UCN3: variants seen among roughly 807,000 people sequenced by gnomAD.
The protein encoded by UCN3 is urocortin-3.
Under a neutral mutation model 3.6 loss-of-function variants are expected in UCN3, and 3 were observed. The observed-to-expected ratio is 0.83, with a 90% confidence interval of 0.38 to 2.15. UCN3 has a LOEUF of 2.15. Ranked by LOEUF, UCN3 falls within the 30% of genes most tolerant of loss-of-function variation. UCN3 has a pLI of 0.06. For missense variants in UCN3, 206 were observed against 208.3 expected, an observed-to-expected ratio of 0.99 and a Z score of 0.07; for synonymous variants, 100 against 93.2, an observed-to-expected ratio of 1.07 and a Z score of -0.42.
chr10:5,369,688 A>G (rs1554811001), intron 1 of UCN3, among the ~76,000 whole-genome samples: 5 of 152,250 alleles, frequency 3.3e-5, no homozygotes, highest in African/African-American at 1.2e-4. Flanking sequence ...ATATTAGTGC[A>G]TAAAATAAGC....
In UCN3 at chr10:5,374,155, C is replaced by T; in HGVS notation, c.435C>T (p.Ala145=). The T allele has an allele frequency of 6.2e-7, 1 of 1,612,660 alleles. No homozygotes were observed. The highest frequency in any genetic ancestry group is 8.5e-7 in the Non-Finnish European group (1 of 1,179,764). Residue 145 remains alanine (A), a synonymous_variant, in exon 2 of 2, where the codon GCC becomes GCT. Transcript: ENST00000380433. Reference sequence around the variant, plus strand: ...TCGCCAAGGCCAAGAACCTGCGTGCCCAGGCGGCCGCCAATGCCCACCTGA... The same window carrying T: ...TCGCCAAGGCCAAGAACCTGCGTGCTCAGGCGGCCGCCAATGCCCACCTGA... ...FNIAKAKNLR[A]QAAANAHLMA...
rs7903714 is a variant in UCN3 at position 5,374,602 on chromosome 10, T to G, written c.*396T>G. ...GCTCCTCTCCCACACATCAACTTCT[T>G]CCAGGGCAGAAAGAGGAGCTGCAGC... is the stretch of plus-strand genomic sequence containing the variant. On this transcript the variant is annotated 3_prime_UTR_variant, in exon 2 of 2. Coordinates refer to ENST00000380433, the MANE Select transcript of UCN3 (RefSeq NM_053049.4). The G allele has an allele frequency of 0.61, 99,367 of 164,168 alleles. 30,459 individuals are homozygous for G. Among genetic ancestry groups the G allele is most frequent in the African/African-American group, 0.68 (28,314 of 41,692 alleles). 10.2% of individuals were successfully genotyped at this position (164,168 alleles called of 1,614,324 possible).
At chr10:5,372,460 C>T (rs181462555) in intron 1 of UCN3, among the ~76,000 whole-genome samples, 4 of 152,290 alleles carry the variant, frequency 2.6e-5, no homozygotes, top group East Asian at 1.9e-4. Context: ...GAGTCTATGA[C>T]GCTTAAAGCC....
In UCN3 at chr10:5,369,861, G is replaced by A. The variant is rs184305939; in HGVS notation, c.-6-3854G>A. ...GTGCTGGGTAAACATTTATCCACGTGGGTGTGTGTGTATATGTGTGTGTAT... is the reference window on the plus strand; with the variant it reads ...GTGCTGGGTAAACATTTATCCACGTAGGTGTGTGTGTATATGTGTGTGTAT... On this transcript the variant is annotated intron_variant, in intron 1 of 1. Coordinates refer to ENST00000380433, the MANE Select transcript of UCN3 (RefSeq NM_053049.4). 3.6e-4 allele frequency among the ~76,000 whole-genome samples: 48 copies of A among 134,648 alleles called. 14 individuals carry two copies. The East Asian group carries it at 0.012, about 35-fold the overall frequency. 88.3% of individuals were successfully genotyped at this position (134,648 alleles called of 152,430 possible).
chr10:5,370,163 A>G (rs868994218), intron 1 of UCN3, among the ~76,000 whole-genome samples: 17 of 27,758 alleles, frequency 6.1e-4, no homozygotes, highest in Admixed American at 9.0e-4. Flanking sequence ...ATGTGTGTGT[A>G]TATGTGTGTG....
chr10:5,371,764 G>A (rs1232197637), intron 1 of UCN3, among the ~76,000 whole-genome samples: 2 of 152,214 alleles, frequency 1.3e-5, no homozygotes, highest in Non-Finnish European at 2.9e-5. Context: ...AGGCCCAGGC[G>A]AATCACCAGG....
Position 5,365,046 on chromosome 10 carries a change from G to A in UCN3, c.-191G>A, listed in dbSNP as rs371259058. On this transcript the variant is annotated 5_prime_UTR_variant, in exon 1 of 2. Coordinates refer to ENST00000380433, the MANE Select transcript of UCN3 (RefSeq NM_053049.4). The surrounding 1 kb of genome is among the most constrained non-coding windows in gnomAD (Gnocchi z 4.4). ...GATCTGTCACTTTTATATACACACAGGGGAGGGGACCGTTTCCATAGAGAG... is the reference window on the plus strand; with the variant it reads ...GATCTGTCACTTTTATATACACACAAGGGAGGGGACCGTTTCCATAGAGAG... 4 of 152,216 alleles carry A rather than the reference G, an allele frequency of 2.6e-5. No individual in the cohort carries two copies. The highest frequency in any genetic ancestry group is 9.7e-5 in the African/African-American group (4 of 41,436). 9.4% of individuals were successfully genotyped at this position (152,216 alleles called of 1,614,324 possible). A position where few individuals can be genotyped will look rare whatever the true frequency, so the allele number is the denominator to read the frequency against.
chr10:5,374,184 C>T lies in UCN3; in HGVS notation c.464C>T (p.Ala155Val), dbSNP rs377737986. Reference protein sequence around the residue: ...AQAAANAHLMAQIGRKK With the variant: ...AQAAANAHLMVQIGRKK The stretch of plus-strand genomic sequence containing the variant: ...GCGGCCGCCAATGCCCACCTGATGG[C>T]GCAAATTGGGAGGAAGAAGTAGAGG... The change falls in exon 2 of 2, where the codon GCG becomes GTG. Residue 155 changes from alanine (A) to valine (V), a missense_variant. Transcript: ENST00000380433. 1.2e-4 allele frequency: 186 copies of T among 1,602,746 alleles called. 1 individual carries two copies. Among genetic ancestry groups the T allele is most frequent in the Middle Eastern group, 1.7e-4 (1 of 6,036 alleles).
intron 1 of UCN3, among the ~76,000 whole-genome samples, chr10:5,373,325 T>C (rs756870089): frequency 1.3e-5 from 2 of 152,190 alleles, no homozygotes; most frequent in Admixed American, 6.5e-5. Flanking sequence ...AAATCAACTA[T>C]GGTAGGCTGC....
chr10:5,371,936 T>G (rs1831434652), intron 1 of UCN3, among the ~76,000 whole-genome samples: 1 of 152,154 alleles, frequency 6.6e-6, no homozygotes, highest in African/African-American at 2.4e-5. Flanking sequence ...AGCCCTCAAA[T>G]GTAAATAGCA....
At chr10:5,370,199 A>G (rs1450465429) in intron 1 of UCN3, among the ~76,000 whole-genome samples, 7 of 26,502 alleles carry the variant, frequency 2.6e-4, no homozygotes, top group East Asian at 1.7e-3. Context: ...ATGCGTGTGT[A>G]TATGCGTGTG....
At chr10:5,372,053 C>T (rs1831436401) in intron 1 of UCN3, among the ~76,000 whole-genome samples, 1 of 152,226 alleles carries the variant, frequency 6.6e-6, no homozygotes, top group Admixed American at 6.5e-5. Context: ...CCGCAGACGG[C>T]AGCCGTGCTT....
chr10:5,370,955 GGTGTGT>G (rs201698933), intron 1 of UCN3, among the ~76,000 whole-genome samples: 2 of 109,470 alleles, frequency 1.8e-5, no homozygotes, highest in African/African-American at 8.7e-5. Flanking sequence ...ATGTGTGTAA[GGTGTGT>G]GTGTGTGTAT....
At chr10:5,370,804 TGTGTGTGTGCGTGTGTGTGCGCGC>T (rs1395145442) in intron 1 of UCN3, among the ~76,000 whole-genome samples, 4 of 136,096 alleles carry the variant, frequency 2.9e-5, no homozygotes, top group Non-Finnish European at 6.1e-5. Flanking sequence ...CGTGTGTATA[TGTGTGTGTGCGTGTGTGTGCGCGC>T]GTGTGTGTGC....
rs1390388877 is a variant in UCN3, at chr10:5,370,055, GTGTGTGTATA to G, written c.-6-3647_-6-3638del. Among the ~76,000 whole-genome samples, 92 of 61,760 alleles carry G rather than the reference GTGTGTGTATA, an allele frequency of 1.5e-3. 17 individuals are homozygous for G. Among genetic ancestry groups the G allele is most frequent in the Admixed American group, 2.3e-3 (13 of 5,650 alleles). 40.5% of individuals were successfully genotyped at this position (61,760 alleles called of 152,430 possible). ...TATGCGTGTGTATATGCGTGTGTAT[GTGTGTGTATA>G]TGTGTGTATATGCGTGTGTATATGC... On this transcript the variant is annotated intron_variant, in intron 1 of 1. Coordinates refer to ENST00000380433, the MANE Select transcript of UCN3 (RefSeq NM_053049.4).
intron 1 of UCN3, among the ~76,000 whole-genome samples, chr10:5,370,405 G>A (rs1245018786): frequency 2.0e-5 from 2 of 98,570 alleles, no homozygotes; most frequent in Non-Finnish European, 3.9e-5. Context: ...ATATGTGTGT[G>A]TATATGTGTG....
In UCN3 at chr10:5,370,894, TGC is replaced by T. The variant is rs1255215017; in HGVS notation, c.-6-2819_-6-2818del. ...ATGTGTGTGTATATGCGTGTGTATATGCGTGTGTATATGCGTGTGTATATGCG... is the reference window on the plus strand; with the variant it reads ...ATGTGTGTGTATATGCGTGTGTATATGTGTGTATATGCGTGTGTATATGCG... On this transcript the variant is annotated intron_variant, in intron 1 of 1. Coordinates refer to ENST00000380433, the MANE Select transcript of UCN3 (RefSeq NM_053049.4). Among the ~76,000 whole-genome samples, 11 of 112,458 alleles carry T rather than the reference TGC, an allele frequency of 9.8e-5. 1 individual carries two copies. The highest frequency in any genetic ancestry group is 1.2e-4 in the Non-Finnish European group (6 of 49,646). The allele number at this position is 112,458 out of a possible 152,430, so 73.8% of individuals were successfully genotyped here.
chr10:5,373,595 T>C, intron 1 of UCN3, 120 bp from the exon 2 acceptor site: 2 of 1,457,978 alleles, frequency 1.4e-6, no homozygotes, highest in Non-Finnish European at 1.8e-6. Flanking sequence ...GGTCTGGGGG[T>C]CATACTTGGA....
chr10:5,370,848 TGCGC>T (rs149227861), intron 1 of UCN3, among the ~76,000 whole-genome samples: 2,005 of 64,974 alleles, frequency 0.031, 179 homozygotes, highest in East Asian at 0.11. Flanking sequence ...CGCGTGTGTG[TGCGC>T]GTGTGTGTGC....
Sources: allele counts gnomAD v4.1 joint callset (sites outside exome capture counted in the v4.1 genomes callset), GRCh38; gene constraint gnomAD v4.1.1; non-coding constraint Gnocchi (gnomAD v3.1); transcripts MANE v1.5; gene names NCBI Gene and HGNC (gene_info 2026-07-23, HGNC 2026-07-21).